Variants in CACNA2D3 observed in about 807,000 individuals in gnomAD.
CACNA2D3 encodes the protein calcium voltage-gated channel auxiliary subunit alpha2delta 3, also known as voltage-dependent calcium channel subunit alpha-2/delta-3.
A neutral mutation model predicts 160.6 loss-of-function variants in CACNA2D3; 60 were observed. The ratio of observed to expected loss-of-function variants is 0.37; its 90% CI spans 0.30 to 0.46. CACNA2D3 has a LOEUF of 0.46. CACNA2D3 is among the 20% of genes least tolerant of loss of function. CACNA2D3 has a pLI of 1.00. For missense variants in CACNA2D3, 1,205 were observed against 1,365.0 expected (o/e 0.88, Z 1.85); for synonymous variants, 558 against 492.9 (o/e 1.13, Z -1.75).
intron 27 of CACNA2D3, among the ~76,000 whole-genome samples, chr3:54,936,909 G>A (rs554187219): frequency 5.9e-5 from 9 of 152,246 alleles, no homozygotes; most frequent in South Asian, 2.1e-4. Context: ...AATAAACTCC[G>A]TGTATGCTCT....
At chr3:54,780,918 C>T (rs977960178) in intron 13 of CACNA2D3, among the ~76,000 whole-genome samples, 5 of 152,142 alleles carry the variant, frequency 3.3e-5, no homozygotes, top group Non-Finnish European at 7.3e-5. Context: ...GCATGAAATT[C>T]TCAAGAAGTA....
At chr3:54,717,119 CT>C (rs1295305186) in intron 11 of CACNA2D3, among the ~76,000 whole-genome samples, 1 of 152,112 alleles carries the variant, frequency 6.6e-6, no homozygotes, top group Non-Finnish European at 1.5e-5. Context: ...TGTCTGGTTT[CT>C]TTCACTCAGT....
chr3:54,225,961 G>A (rs774691763), intron 2 of CACNA2D3, among the ~76,000 whole-genome samples: 1 of 152,062 alleles, frequency 6.6e-6, no homozygotes, highest in Non-Finnish European at 1.5e-5. Context: ...ACCGGATTGG[G>A]GACTGAACTG....
intron 11 of CACNA2D3, among the ~76,000 whole-genome samples, chr3:54,705,869 A>G (rs192423779): frequency 1.5e-3 from 216 of 146,700 alleles, no homozygotes; most frequent in African/African-American, 5.0e-3. Flanking sequence ...ACTTGGTCTG[A>G]GACAAGCACT....
At chr3:54,552,974 C>A (rs769285734) in intron 5 of CACNA2D3, among the ~76,000 whole-genome samples, 1 of 152,146 alleles carries the variant, frequency 6.6e-6, no homozygotes, top group Non-Finnish European at 1.5e-5. Flanking sequence ...CATACCAAGG[C>A]AACAGGCTGA....
intron 31 of CACNA2D3, among the ~76,000 whole-genome samples, chr3:54,990,355 A>G (rs1702711926): frequency 6.6e-6 from 1 of 152,168 alleles, no homozygotes; most frequent in South Asian, 2.1e-4. Context: ...ACAAGGTGAA[A>G]CGCTGTCTCT....
chr3:54,808,136 C>T (rs952487424), intron 13 of CACNA2D3, among the ~76,000 whole-genome samples: 2 of 151,522 alleles, frequency 1.3e-5, no homozygotes, highest in Non-Finnish European at 2.9e-5. Flanking sequence ...AGCACATCAG[C>T]ATGGCACATG....
At chr3:54,715,666 A>G (rs1159922367) in intron 11 of CACNA2D3, among the ~76,000 whole-genome samples, 2 of 152,130 alleles carry the variant, frequency 1.3e-5, no homozygotes, top group Non-Finnish European at 2.9e-5. Context: ...CTATCACTGG[A>G]GATCCAAGTA....
At chr3:54,514,022 C>T (rs150115508) in intron 5 of CACNA2D3, among the ~76,000 whole-genome samples, 1 of 152,302 alleles carries the variant, frequency 6.6e-6, no homozygotes, top group African/African-American at 2.4e-5. Context: ...ATGGAAGGCC[C>T]TGTTTTTGTC....
intron 11 of CACNA2D3, among the ~76,000 whole-genome samples, chr3:54,739,538 T>G (rs986419296): frequency 6.6e-6 from 1 of 151,566 alleles, no homozygotes; most frequent in African/African-American, 2.4e-5. Context: ...GGGAAGACAT[T>G]GGGATTCTTT....
chr3:54,898,117 C>T lies in CACNA2D3; in HGVS notation c.2368+1247C>T, dbSNP rs1310738202. On this transcript the variant is annotated intron_variant, in intron 26 of 37. Coordinates refer to ENST00000474759, the MANE Select transcript of CACNA2D3 (RefSeq NM_018398.3). Reference sequence around the variant, plus strand: ...TCCTTCCTTCCTTTCTTTCTTTTTTCTTTCTTTCTTTTTCTTTTTCTTTTT... The same window carrying T: ...TCCTTCCTTCCTTTCTTTCTTTTTTTTTTCTTTCTTTTTCTTTTTCTTTTT... 2.0e-5 allele frequency among the ~76,000 whole-genome samples: 3 copies of T among 149,528 alleles called. No individual in the cohort carries two copies. In the East Asian group the frequency reaches 6.3e-4, roughly 31 times the overall value.
chr3:54,583,302 A>G (rs1490269963), intron 9 of CACNA2D3, among the ~76,000 whole-genome samples: 2 of 152,198 alleles, frequency 1.3e-5, no homozygotes, highest in Non-Finnish European at 2.9e-5. Flanking sequence ...AGGAAGTTTT[A>G]TGAATGAAAA....
In CACNA2D3 at chr3:54,440,977, T is replaced by A. The variant is rs549265341; in HGVS notation, c.381+54203T>A. On this transcript the variant is annotated intron_variant, in intron 4 of 37. Coordinates refer to ENST00000474759, the MANE Select transcript of CACNA2D3 (RefSeq NM_018398.3). ...TGCATGTGTCTTTATAGCAGCATGATTTATAGTCCTTTGGGTAAATACCCA... is the reference window on the plus strand; with the variant it reads ...TGCATGTGTCTTTATAGCAGCATGAATTATAGTCCTTTGGGTAAATACCCA... 3.3e-4 allele frequency among the ~76,000 whole-genome samples: 51 copies of A among 152,244 alleles called. No individual in the cohort carries two copies. The South Asian group carries it at 9.8e-3, about 29-fold the overall frequency.
chr3:54,928,034 CCTTG>C, intron 27 of CACNA2D3: 1 of 885,376 alleles, frequency 1.1e-6, no homozygotes, highest in Non-Finnish European at 1.8e-6. Flanking sequence ...TGAACCCTGC[CCTTG>C]CTTTTCTTCA....
chr3:55,029,452 C>T (rs1284824413), intron 35 of CACNA2D3, among the ~76,000 whole-genome samples: 1 of 152,148 alleles, frequency 6.6e-6, no homozygotes, highest in Non-Finnish European at 1.5e-5. Context: ...TTTTATGGAG[C>T]ACAGTCCACA....
intron 3 of CACNA2D3, among the ~76,000 whole-genome samples, chr3:54,350,986 G>GTTTTTTTTTTTTTTTTTTTTTTTTTTT (rs796392854): frequency 1.4e-4 from 9 of 65,948 alleles, no homozygotes; most frequent in Admixed American, 4.0e-4. Context: ...TTTTTTGTTT[G>GTTTTTTTTTTTTTTTTTTTTTTTTTTT]TTTTTTTTTT....
intron 18 of CACNA2D3, among the ~76,000 whole-genome samples, chr3:54,877,996 AT>A (rs751146924): frequency 1.4e-4 from 22 of 152,248 alleles, no homozygotes; most frequent in African/African-American, 2.4e-4. Context: ...TGTTAAAAAA[AT>A]ATCTAGAGTA....
At chr3:55,057,075 C>T (rs1386151197) in intron 35 of CACNA2D3, among the ~76,000 whole-genome samples, 7 of 152,058 alleles carry the variant, frequency 4.6e-5, no homozygotes, top group African/African-American at 7.2e-5. Context: ...GGGAGGGACC[C>T]GGTGGGAGGT....
intron 11 of CACNA2D3, among the ~76,000 whole-genome samples, chr3:54,705,002 G>A: frequency 6.6e-6 from 1 of 152,112 alleles, no homozygotes; most frequent in East Asian, 1.9e-4. Context: ...GCTGGGTACA[G>A]AGCTACTGTG....
Sources: gnomAD v4.1 joint callset for allele counts (sites outside exome capture counted in the v4.1 genomes callset) on GRCh38, gnomAD v4.1.1 for gene constraint, MANE v1.5 for transcripts, NCBI Gene and HGNC (gene_info 2026-07-23, HGNC 2026-07-21) for gene names.